FYB2: variants seen among roughly 807,000 people sequenced by gnomAD.
FYB2 encodes FYN binding protein 2.
Under a neutral mutation model 94.1 loss-of-function variants are expected in FYB2, and 103 were observed. The ratio of observed to expected loss-of-function variants is 1.09; its 90% CI spans 0.93 to 1.29. FYB2 has a LOEUF of 1.29. FYB2 is among the 50% of genes most tolerant of loss of function. The pLI is 0.00. For synonymous variants in FYB2, 293 were observed against 287.9 expected (o/e 1.02, Z -0.18); for missense variants, 896 against 841.5 (o/e 1.06, Z -0.80).
chr1:56,814,947 C>T (rs781360610), intron 1 of FYB2, among the ~76,000 whole-genome samples: 6 of 152,122 alleles, frequency 3.9e-5, no homozygotes, highest in Non-Finnish European at 8.8e-5. Context: ...ATACTGCCAT[C>T]CCAGAATGTC....
In FYB2 at chr1:56,720,628, G is replaced by A. The variant is rs2100468750; in HGVS notation, c.1975-299C>T. The stretch of plus-strand genomic sequence containing the variant: ...TCTTTTTTAAAATTATTCTTTTTAG[G>A]TATGGGGTACATGTGCAGGATGTGC... On this transcript the variant is annotated intron_variant, in intron 17 of 19. Transcript: ENST00000343433. The A allele has an allele frequency of 1.4e-5, 3 of 212,182 alleles. No homozygotes were observed. In the South Asian group the frequency reaches 2.8e-4, roughly 20 times the overall value. 13.1% of individuals were successfully genotyped at this position (212,182 alleles called of 1,614,324 possible). A position where few individuals can be genotyped will look rare whatever the true frequency, so the allele number is the denominator to read the frequency against.
rs1212271529 is a variant in FYB2 at position 56,768,012 on chromosome 1, C to T, written c.954-74G>A. 43 of 1,186,164 alleles carry T rather than the reference C, an allele frequency of 3.6e-5. No individual in the cohort carries two copies. The East Asian group carries it at 9.6e-4, about 26-fold the overall frequency. 73.5% of individuals were successfully genotyped at this position (1,186,164 alleles called of 1,614,324 possible). On this transcript the variant is annotated intron_variant, in intron 4 of 19. Coordinates refer to ENST00000343433, the MANE Select transcript of FYB2 (RefSeq NM_001004303.5). ...TTGAAAGCTTTTTGTATTTTTTCCT[C>T]ATTAGAGAAATAATATGTGTGTCTG... is the stretch of plus-strand genomic sequence containing the variant.
At chr1:56,734,735 C>T (rs1023702827) in intron 15 of FYB2, among the ~76,000 whole-genome samples, 1 of 151,940 alleles carries the variant, frequency 6.6e-6, no homozygotes, top group African/African-American at 2.4e-5. Flanking sequence ...ATGGGTGCAG[C>T]AAACCAACAT....
At chr1:56,727,381 A>T (rs1391984533) in intron 15 of FYB2, among the ~76,000 whole-genome samples, 1 of 152,046 alleles carries the variant, frequency 6.6e-6, no homozygotes, top group Non-Finnish European at 1.5e-5. Flanking sequence ...CATTCACAGG[A>T]GCTGTAAGAA....
At chr1:56,732,751 G>T (rs961142406) in intron 15 of FYB2, among the ~76,000 whole-genome samples, 1 of 152,014 alleles carries the variant, frequency 6.6e-6, no homozygotes, top group African/African-American at 2.4e-5. Flanking sequence ...TCAGTAAATG[G>T]TGCTAGGAAA....
chr1:56,787,483 A>G (rs1646159232), intron 3 of FYB2, among the ~76,000 whole-genome samples: 1 of 152,242 alleles, frequency 6.6e-6, no homozygotes, highest in Non-Finnish European at 1.5e-5. Flanking sequence ...TGTGGGGTTT[A>G]TCTCTTAATC....
chr1:56,820,338 C>A (rs921733114), upstream of FYB2, among the ~76,000 whole-genome samples: 1 of 152,088 alleles, frequency 6.6e-6, no homozygotes, highest in Non-Finnish European at 1.5e-5. Context: ...ATCTGGCTGA[C>A]TCTAAAGTGA....
At chr1:56,759,564 G>A (rs552700748) in intron 5 of FYB2, among the ~76,000 whole-genome samples, 24 of 152,152 alleles carry the variant, frequency 1.6e-4, no homozygotes, top group Admixed American at 3.9e-4. Context: ...ATGGGACCAC[G>A]GCTGGATACA....
At chr1:56,781,533 T>C (rs1646008879) in intron 4 of FYB2, among the ~76,000 whole-genome samples, 2 of 152,232 alleles carry the variant, frequency 1.3e-5, no homozygotes, top group South Asian at 2.1e-4. Context: ...TTGTCATAAA[T>C]GAAATCATGT....
chr1:56,818,109 C>T (rs1222737956), intron 1 of FYB2, among the ~76,000 whole-genome samples: 1 of 152,116 alleles, frequency 6.6e-6, no homozygotes, highest in Admixed American at 6.5e-5. Flanking sequence ...TACAAGCACG[C>T]TAAATCTATT....
chr1:56,720,640 T>C (rs1474944745), intron 17 of FYB2: 1 of 194,286 alleles, frequency 5.1e-6, no homozygotes, highest in East Asian at 1.5e-4. Context: ...ATGGGGTACA[T>C]GTGCAGGATG....
chr1:56,792,161 A>G lies in FYB2; in HGVS notation c.652T>C (p.Ser218Pro). The G allele has an allele frequency of 3.3e-5, 53 of 1,614,014 alleles. No individual in the cohort carries two copies. Among genetic ancestry groups the G allele is most frequent in the Non-Finnish European group, 4.3e-5 (51 of 1,179,976 alleles). The change falls in exon 2 of 20, where the codon TCT becomes CCT. Residue 218 changes from serine to proline, a missense_variant. Coordinates refer to ENST00000343433, the MANE Select transcript of FYB2 (RefSeq NM_001004303.5). Reference sequence around the variant, plus strand: ...TCCCAGCTTTTTCTGATATGTTGAGAAATTACAAAAGAGGGATCTTCAGAG... The same window carrying G: ...TCCCAGCTTTTTCTGATATGTTGAGGAATTACAAAAGAGGGATCTTCAGAG... ...NVSEDPSFVI[S>P]QHIRKSWENP...
Position 56,762,816 on chromosome 1 carries a change from G to A in FYB2, c.1064-4066C>T, listed in dbSNP as rs192174591. 1.1e-3 allele frequency among the ~76,000 whole-genome samples: 160 copies of A among 152,222 alleles called. 1 individual carries two copies. The highest frequency in any genetic ancestry group is 1.7e-3 in the Non-Finnish European group (114 of 68,002). ...CTGCAGACATCCTTGCCTTGTTACC[G>A]GTAGTAGGGGAAAAGCATTCAGTGT... On this transcript the variant is annotated intron_variant, in intron 5 of 19. Coordinates refer to ENST00000343433, the MANE Select transcript of FYB2 (RefSeq NM_001004303.5).
chr1:56,767,777 C>T (rs1471398403), intron 5 of FYB2, 52 bp downstream of exon 5: 4 of 1,324,908 alleles, frequency 3.0e-6, no homozygotes, highest in Non-Finnish European at 4.3e-6. Flanking sequence ...TCATTTTTGA[C>T]ACATTTTCAT....
At chr1:56,801,416 T>A (rs926044671) in intron 1 of FYB2, among the ~76,000 whole-genome samples, 18 of 152,196 alleles carry the variant, frequency 1.2e-4, no homozygotes, top group Admixed American at 9.8e-4. Context: ...TTTTATTTAT[T>A]AAAGATTTAA....
chr1:56,742,181 C>T lies in FYB2; in HGVS notation c.1584G>A (p.Lys528=), dbSNP rs1243621644. The change falls in exon 12 of 20, where the codon AAG becomes AAA. Residue 528 remains lysine, a synonymous_variant. Transcript: ENST00000343433. ...CTCACTCTATCTTTGGGTAGTTGTTCTTTGTTTTGTAGACATCTTCATACA... is the reference window on the plus strand; with the variant it reads ...CTCACTCTATCTTTGGGTAGTTGTTTTTTGTTTTGTAGACATCTTCATACA... ...RELYEDVYKT[K]NNYPKIDLDG... 2 of 1,605,556 alleles carry T rather than the reference C, an allele frequency of 1.2e-6. No individual in the cohort carries two copies. Among genetic ancestry groups the T allele is most frequent in the Non-Finnish European group, 1.7e-6 (2 of 1,173,992 alleles).
intron 9 of FYB2, among the ~76,000 whole-genome samples, chr1:56,750,174 G>T (rs1645162531): frequency 1.3e-5 from 2 of 151,898 alleles, no homozygotes; most frequent in Non-Finnish European, 2.9e-5. Flanking sequence ...GTAAGGCATG[G>T]TATAATTTTT....
chr1:56,789,051 T>C lies in FYB2; in HGVS notation c.841A>G (p.Lys281Glu), dbSNP rs761481008. 6.2e-7 allele frequency: 1 copy of C among 1,613,924 alleles called. No homozygotes were observed. Residue 281 changes from lysine (K) to glutamate (E), a missense_variant, in exon 3 of 20, where the codon AAG (lysine) becomes GAG (glutamate). Physicochemically the swap from Lys to Glu is moderately conservative, Grantham distance 56. Coordinates refer to ENST00000343433, the MANE Select transcript of FYB2 (RefSeq NM_001004303.5). ...SIDSLGPPPP[K>E]PSRPPIVNLQ... ...TTCACGATGGGAGGTCTTGAAGGCTTTGGGGGAGGAGGACCCAGGGAGTCG... is the reference window on the plus strand; with the variant it reads ...TTCACGATGGGAGGTCTTGAAGGCTCTGGGGGAGGAGGACCCAGGGAGTCG...
intron 1 of FYB2, among the ~76,000 whole-genome samples, chr1:56,803,059 C>T (rs1252247635): frequency 6.6e-6 from 1 of 152,158 alleles, no homozygotes; most frequent in Non-Finnish European, 1.5e-5. Context: ...GATTTAGTTT[C>T]AGCACCAATT....
Sources: gnomAD v4.1 joint callset for allele counts (sites outside exome capture counted in the v4.1 genomes callset) on GRCh38, gnomAD v4.1.1 for gene constraint, MANE v1.5 for transcripts, NCBI Gene and HGNC (gene_info 2026-07-23, HGNC 2026-07-21) for gene names.